The following GLIS3 variants were observed in gnomAD, a reference collection of about 807,000 sequenced individuals.
GLIS3 encodes the protein GLIS family zinc finger 3.
A neutral mutation model predicts 78.6 loss-of-function variants in GLIS3; 53 were observed. The observed-to-expected ratio is 0.67, with a 90% CI of 0.54 to 0.85. GLIS3 has a LOEUF of 0.85. Among genes scored for constraint, GLIS3 ranks in the 40% least tolerant of loss-of-function variants. The probability of loss-of-function intolerance (pLI) is 0.00; values close to 1 mark genes in which losing one functional copy is unlikely to be tolerated. For synonymous variants in GLIS3, 684 were observed against 509.9 expected (o/e 1.34, Z -4.60); for missense variants, 1,703 against 1,231.1 (o/e 1.38, Z -5.74).
intron 2 of GLIS3, among the ~76,000 whole-genome samples, chr9:4,177,532 CA>C (rs1816918759): frequency 1.3e-5 from 2 of 152,168 alleles, no homozygotes; most frequent in Non-Finnish European, 2.9e-5. Context: ...CTCATTCACT[CA>C]ACTCCTCCCA....
chr9:4,195,217 G>A (rs1392416923), intron 2 of GLIS3, among the ~76,000 whole-genome samples: 2 of 152,238 alleles, frequency 1.3e-5, no homozygotes, highest in Non-Finnish European at 1.5e-5. Flanking sequence ...GAGCCCTTCA[G>A]CCCACCACTG....
In GLIS3 at chr9:4,285,114, A is replaced by G. The variant is rs77559687; in HGVS notation, c.388+924T>C. 4.8e-3 allele frequency among the ~76,000 whole-genome samples: 725 copies of G among 152,308 alleles called. 9 individuals are homozygous for G. The highest frequency in any genetic ancestry group is 0.016 in the African/African-American group (673 of 41,552). ...TATTCTGAAGGTTGCTAGTAATTCT[A>G]TTTGCTGGTGTAAGCATTTTTAACA... is the stretch of plus-strand genomic sequence containing the variant. On this transcript the variant is annotated intron_variant, in intron 2 of 10. Coordinates refer to ENST00000381971, the MANE Select transcript of GLIS3 (RefSeq NM_001042413.2).
At chr9:4,187,381 C>A (rs1238461449) in intron 2 of GLIS3, among the ~76,000 whole-genome samples, 1 of 152,190 alleles carries the variant, frequency 6.6e-6, no homozygotes, top group African/African-American at 2.4e-5. Context: ...CAGTACCATG[C>A]TGTTTTGGTT....
intron 4 of GLIS3, among the ~76,000 whole-genome samples, chr9:4,115,779 C>A (rs1831592159): frequency 6.6e-6 from 1 of 152,094 alleles, no homozygotes; most frequent in South Asian, 2.1e-4. Flanking sequence ...CTAAGAAACC[C>A]TGTTTATTAT....
intron 4 of GLIS3, among the ~76,000 whole-genome samples, chr9:4,001,071 G>T (rs994586338): frequency 2.6e-5 from 4 of 152,144 alleles, no homozygotes; most frequent in Non-Finnish European, 5.9e-5. Flanking sequence ...CATGCACTGT[G>T]CCAGGCACTA....
chr9:4,040,178 A>T (rs1241586065), intron 4 of GLIS3, among the ~76,000 whole-genome samples: 3 of 152,166 alleles, frequency 2.0e-5, no homozygotes, highest in Non-Finnish European at 4.4e-5. Context: ...TTTAATAAAA[A>T]TATAAATGGG....
chr9:4,048,441 T>C (rs1825432642), intron 4 of GLIS3, among the ~76,000 whole-genome samples: 1 of 152,158 alleles, frequency 6.6e-6, no homozygotes, highest in Non-Finnish European at 1.5e-5. Context: ...CATATAGCCA[T>C]GCCATGGCTC....
In GLIS3 at chr9:3,879,533, G is replaced by C; in HGVS notation, c.2191C>G (p.Pro731Ala). 3 of 1,614,140 alleles carry C rather than the reference G, an allele frequency of 1.9e-6. No individual in the cohort carries two copies. Among genetic ancestry groups the C allele is most frequent in the Non-Finnish European group, 2.5e-6 (3 of 1,180,014 alleles). ...SGTAAGAVPP[P>A]HPVSHPSPGH... ...GGAGAAGGGTGACTGACAGGATGTG[G>C]GGGTGGTACGGCCCCAGCAGCTGTT... Residue 731 changes from proline (P) to alanine (A), a missense_variant, in exon 8 of 11, where the codon CCA (proline) becomes GCA (alanine). Transcript: ENST00000381971.
chr9:4,320,004 TGTGTGTGTGTGTGTGTGTGTGC>T (rs60754077), intron 2 of GLIS3, among the ~76,000 whole-genome samples: 55,803 of 138,886 alleles, frequency 0.4, 11,535 homozygotes, highest in Middle Eastern at 0.55. Context: ...TGTGTGTGTG[TGTGTGTGTGTGTGTGTGTGTGC>T]GCGCGCACAA....
the GLIS3 span, among the ~76,000 whole-genome samples, chr9:4,471,457 C>G: frequency 6.6e-6 from 1 of 152,112 alleles, no homozygotes; most frequent in African/African-American, 2.4e-5. Flanking sequence ...TACCACACAT[C>G]TACAATCATC....
the GLIS3 span, among the ~76,000 whole-genome samples, chr9:4,445,143 G>C: frequency 6.6e-6 from 1 of 152,132 alleles, no homozygotes; most frequent in African/African-American, 2.4e-5. Context: ...AGAAGGCACA[G>C]GATTTGTTTC....
At chr9:4,489,212 T>C in the GLIS3 span, among the ~76,000 whole-genome samples, 26 of 152,318 alleles carry the variant, frequency 1.7e-4, no homozygotes, top group East Asian at 3.7e-3. Context: ...CCCAACGACC[T>C]TAAAATCCCT....
chr9:4,007,948 T>C lies in GLIS3; in HGVS notation c.1711-70759A>G, dbSNP rs550958186. Among the ~76,000 whole-genome samples, 1,054 of 151,726 alleles carry C rather than the reference T, an allele frequency of 6.9e-3. 12 individuals carry two copies. The highest frequency in any genetic ancestry group is 0.024 in the African/African-American group (984 of 41,348). ...TTATCACTCCAGATAGCTTGGGCCC[T>C]TGAGCCCAAAAGCCAGTCTTCTGTC... is the stretch of plus-strand genomic sequence containing the variant. On this transcript the variant is annotated intron_variant, in intron 4 of 10. Coordinates refer to ENST00000381971, the MANE Select transcript of GLIS3 (RefSeq NM_001042413.2).
At chr9:4,423,413 C>T in the GLIS3 span, among the ~76,000 whole-genome samples, 36 of 152,178 alleles carry the variant, frequency 2.4e-4, no homozygotes, top group African/African-American at 7.5e-4. Context: ...CAGCTGGATC[C>T]AGAGAAAGCT....
chr9:4,255,202 C>A (rs960417525), intron 2 of GLIS3, among the ~76,000 whole-genome samples: 1 of 152,174 alleles, frequency 6.6e-6, no homozygotes, highest in Non-Finnish European at 1.5e-5. Context: ...ATTCAGAACA[C>A]TGACAACATC....
At chr9:4,227,325 G>T (rs1232746558) in intron 2 of GLIS3, among the ~76,000 whole-genome samples, 5 of 137,972 alleles carry the variant, frequency 3.6e-5, no homozygotes, top group Admixed American at 7.2e-5. Flanking sequence ...AAAAAAAAAA[G>T]TAAGTAAGTT....
chr9:3,865,190 A>T (rs1354097606), intron 8 of GLIS3, among the ~76,000 whole-genome samples: 1 of 152,224 alleles, frequency 6.6e-6, no homozygotes, highest in African/African-American at 2.4e-5. Flanking sequence ...AAAAGGACAC[A>T]AACACAAAAG....
chr9:4,100,178 G>C (rs1030733668), intron 4 of GLIS3, among the ~76,000 whole-genome samples: 1 of 152,170 alleles, frequency 6.6e-6, no homozygotes, highest in African/African-American at 2.4e-5. Context: ...ACAGAAACCA[G>C]AACAGGTGGT....
intron 2 of GLIS3, among the ~76,000 whole-genome samples, chr9:4,187,427 C>G (rs1400383894): frequency 6.6e-6 from 1 of 152,134 alleles, no homozygotes; most frequent in African/African-American, 2.4e-5. Context: ...AGTCAGGTAG[C>G]ATGATGCCTC....
Sources: allele counts gnomAD v4.1 joint callset (sites outside exome capture counted in the v4.1 genomes callset), GRCh38; gene constraint gnomAD v4.1.1; transcripts MANE v1.5; gene names NCBI Gene and HGNC (gene_info 2026-07-23, HGNC 2026-07-21).